The following UBR4 variants were observed in gnomAD, a reference collection of about 807,000 sequenced individuals.
UBR4 encodes the protein E3 ubiquitin-protein ligase UBR4.
A neutral mutation model predicts 575.6 loss-of-function variants in UBR4; 124 were observed. The observed-to-expected ratio is 0.22, with a 90% CI of 0.19 to 0.25. The LOEUF (loss-of-function observed/expected upper bound fraction) is 0.25, where lower values mean the gene tolerates loss of function less well. Ranked by LOEUF, UBR4 falls within the 10% of genes least tolerant of loss-of-function variation. UBR4 has a pLI of 1.00. For missense variants in UBR4, 4,818 were observed against 6,478.8 expected (o/e 0.74, Z 8.80); for synonymous variants, 2,455 against 2,473.7 (o/e 0.99, Z 0.22).
At chr1:19,177,790 C>G (rs778508356) in intron 18 of UBR4, 47 bp from the exon 19 acceptor site, 2 of 1,580,642 alleles carry the variant, frequency 1.3e-6, no homozygotes, top group Admixed American at 1.8e-5. Context: ...AAAGAGCATT[C>G]CCCAGGAGTT....
intron 81 of UBR4, among the ~76,000 whole-genome samples, chr1:19,107,502 C>T (rs532815452): frequency 5.9e-5 from 9 of 152,234 alleles, no homozygotes; most frequent in Middle Eastern, 3.4e-3. Flanking sequence ...TAAAACTGGC[C>T]GGGCGCGGTG....
In UBR4 at chr1:19,110,508, C is replaced by T. The variant is rs373805890; in HGVS notation, c.11893-44G>A. 1.1e-5 allele frequency: 18 copies of T among 1,587,826 alleles called. No homozygotes were observed. Among genetic ancestry groups the T allele is most frequent in the African/African-American group, 6.7e-5 (5 of 74,300 alleles). On this transcript the variant is annotated intron_variant, in intron 79 of 105. Coordinates refer to ENST00000375254, the MANE Select transcript of UBR4 (RefSeq NM_020765.3). The surrounding 1 kb of genome is among the most constrained non-coding windows in gnomAD (Gnocchi z 4.5). ...AGACATGAGTCAAGAGGGTCAGCTC[C>T]GGTCCAGCGACTCTTAACTATTAAT... is the stretch of plus-strand genomic sequence containing the variant.
intron 32 of UBR4, 133 bp from the exon 33 acceptor site, chr1:19,164,574 G>T: frequency 8.5e-7 from 1 of 1,178,254 alleles, no homozygotes; most frequent in Non-Finnish European, 1.2e-6. Flanking sequence ...TGGGCTAGTA[G>T]AGCATAAAAC....
chr1:19,121,134 CAA>C (rs2081127303), intron 68 of UBR4, 53 bp downstream of exon 68: 6 of 1,585,808 alleles, frequency 3.8e-6, no homozygotes, highest in Non-Finnish European at 5.2e-6. Context: ...CCATGTGCTC[CAA>C]GAGAGATTTA....
chr1:19,110,840 A>G lies in UBR4; in HGVS notation c.11802-8T>C. 1 of 1,613,334 alleles carries G rather than the reference A, an allele frequency of 6.2e-7. No individual in the cohort carries two copies. The highest frequency in any genetic ancestry group is 8.5e-7 in the Non-Finnish European group (1 of 1,179,602). On this transcript the variant is annotated splice_region_variant and splice_polypyrimidine_tract_variant and intron_variant, in intron 78 of 105. Coordinates refer to ENST00000375254, the MANE Select transcript of UBR4 (RefSeq NM_020765.3). This position sits in a 1 kb window ranked among gnomAD's most constrained non-coding sequence, Gnocchi z 4.5. ...GTGGCTTCTGGGTTGTCTCTGCAGA[A>G]GCAAATAGAAATGGAGTCCTATAAT...
rs949667278 is a variant in UBR4 at position 19,089,942 on chromosome 1, G to T, written c.14212-965C>A. On this transcript the variant is annotated intron_variant, in intron 97 of 105. Coordinates refer to ENST00000375254, the MANE Select transcript of UBR4 (RefSeq NM_020765.3). The surrounding 1 kb of genome is among the most constrained non-coding windows in gnomAD (Gnocchi z 4.3). ...ACTCAACATTCTGGCTGTTTACTGT[G>T]TGTGCATGCTTGCACATGTGTGTTT... 6.6e-6 allele frequency among the ~76,000 whole-genome samples: 1 copy of T among 152,220 alleles called. No individual in the cohort carries two copies. Among genetic ancestry groups the T allele is most frequent in the African/African-American group, 2.4e-5 (1 of 41,450 alleles).
At chr1:19,096,317 T>C (rs758394243) in intron 92 of UBR4, among the ~76,000 whole-genome samples, 7 of 152,136 alleles carry the variant, frequency 4.6e-5, no homozygotes, top group Non-Finnish European at 7.4e-5. Flanking sequence ...TAGAGAGGTA[T>C]TGGAGAAGGG....
chr1:19,173,654 C>G (rs540004924), intron 22 of UBR4, 33 bp from the exon 23 acceptor site: 2 of 1,605,094 alleles, frequency 1.2e-6, no homozygotes, highest in Non-Finnish European at 8.5e-7. Flanking sequence ...AGAGGTAGCA[C>G]TTGGTATGGC....
chr1:19,124,596 T>C lies in UBR4; in HGVS notation c.9533A>G (p.Asn3178Ser), dbSNP rs183578825. 4.3e-5 allele frequency: 70 copies of C among 1,614,190 alleles called. No homozygotes were observed. The highest frequency in any genetic ancestry group is 1.1e-4 in the African/African-American group (8 of 75,048). ...PYQIKKITDT[N>S]SRIPPPVFDH... ...AAAGACAGGAGGTGGGATTCGAGAATTGGTGTCAGTAATCTTTTTGATTTG... is the reference window on the plus strand; with the variant it reads ...AAAGACAGGAGGTGGGATTCGAGAACTGGTGTCAGTAATCTTTTTGATTTG... Residue 3178 changes from asparagine (N) to serine (S), a missense_variant, in exon 65 of 106, where the codon AAT (asparagine) becomes AGT (serine). Asn to Ser is a conservative substitution (Grantham distance 46). This residue lies in a region of UBR4 where 550 missense variants were observed against 791.5 expected (regional missense o/e 0.69). Coordinates refer to ENST00000375254, the MANE Select transcript of UBR4 (RefSeq NM_020765.3).
chr1:19,149,573 A>G (rs556997261), intron 49 of UBR4, among the ~76,000 whole-genome samples: 4 of 152,170 alleles, frequency 2.6e-5, no homozygotes, highest in African/African-American at 4.8e-5. Context: ...CAACACCAAG[A>G]GTGCACTTAC....
At chr1:19,158,070 A>T in intron 39 of UBR4, 73 bp from the exon 40 acceptor site, 2 of 1,499,500 alleles carry the variant, frequency 1.3e-6, no homozygotes, top group Non-Finnish European at 1.8e-6. Context: ...CGCACTATTC[A>T]TGTGCCTGAG....
chr1:19,173,404 G>A (rs1292035151), intron 23 of UBR4, 35 bp downstream of exon 23: 1 of 1,613,134 alleles, frequency 6.2e-7, no homozygotes. Context: ...AAGCACTTTG[G>A]CTTTGAATAG....
chr1:19,104,494 A>C, intron 86 of UBR4, 91 bp downstream of exon 86: 2 of 1,407,380 alleles, frequency 1.4e-6, no homozygotes. Flanking sequence ...AGTACCAGAG[A>C]GAAGAGAGTC....
chr1:19,194,662 C>T (rs1266783995), intron 8 of UBR4, among the ~76,000 whole-genome samples: 2 of 151,812 alleles, frequency 1.3e-5, no homozygotes, highest in Non-Finnish European at 2.9e-5. Context: ...ATTAGCCAGG[C>T]GAAGTGGCAG....
rs924819967 is a variant in UBR4 at position 19,086,148 on chromosome 1, G to T, written c.14810C>A (p.Ala4937Glu). The change falls in exon 101 of 106, where the codon GCA becomes GAA. Residue 4937 changes from alanine (A) to glutamate (E), a missense_variant. Transcript: ENST00000375254. ...VPESAFATCL[A>E]RHNTYLQECT... is the part of the protein sequence containing the mutation. ...ATGAAAAATACTCAACACTCACCTT[G>T]CCAAGCAAGTGGCAAAAGCTGATTC... 1 of 1,613,806 alleles carries T rather than the reference G, an allele frequency of 6.2e-7. No individual in the cohort carries two copies. Among genetic ancestry groups the T allele is most frequent in the African/African-American group, 1.3e-5 (1 of 75,038 alleles).
At position 19,117,171 on chromosome 1, in the gene UBR4, G is replaced by GC; in HGVS notation, c.10823+49dup. On this transcript the variant is annotated intron_variant, in intron 73 of 105. Transcript: ENST00000375254. The surrounding 1 kb of genome is among the most constrained non-coding windows in gnomAD (Gnocchi z 4.0). ...TCCAGGAACCGAAGGCAGCAACTGAGCTTCAGCCTTACAACCTGCTGCCCC... is the reference window on the plus strand; with the variant it reads ...TCCAGGAACCGAAGGCAGCAACTGAGCCTTCAGCCTTACAACCTGCTGCCCC... 6.3e-7 allele frequency: 1 copy of GC among 1,591,106 alleles called. No homozygotes were observed. Among genetic ancestry groups the GC allele is most frequent in the Non-Finnish European group, 8.6e-7 (1 of 1,165,820 alleles).
rs369049503 is a variant in UBR4, at chr1:19,081,535, C to G, written c.15047G>C (p.Gly5016Ala). Residue 5016 changes from glycine to alanine, a missense_variant, in exon 103 of 106, where the codon GGC (glycine) becomes GCC (alanine). By Grantham distance (60) the Gly-to-Ala change is moderately conservative (BLOSUM62 0). Transcript: ENST00000375254. Reference protein sequence around the residue: ...ATSREEKNLQGFLEQPKEKWV... With the variant: ...ATSREEKNLQAFLEQPKEKWV... Reference sequence around the variant, plus strand: ...CTTCTCCTTGGGCTGTTCCAGAAAGCCTTGGAGGTTCTTCTCTTCTCGGGA... The same window carrying G: ...CTTCTCCTTGGGCTGTTCCAGAAAGGCTTGGAGGTTCTTCTCTTCTCGGGA... The G allele has an allele frequency of 3.1e-6, 5 of 1,613,978 alleles. No individual in the cohort carries two copies. Among genetic ancestry groups the G allele is most frequent in the African/African-American group, 1.3e-5 (1 of 74,966 alleles).
chr1:19,151,872 A>C lies in UBR4; in HGVS notation c.6997-13T>G. On this transcript the variant is annotated splice_polypyrimidine_tract_variant and intron_variant, in intron 47 of 105. Coordinates refer to ENST00000375254, the MANE Select transcript of UBR4 (RefSeq NM_020765.3). ...TGAAGCCTCCGGGCTGTAGGGAGAC[A>C]AGGCACACATCAAGAAACTACAGAA... is the stretch of plus-strand genomic sequence containing the variant. 1 of 1,562,752 alleles carries C rather than the reference A, an allele frequency of 6.4e-7. No homozygotes were observed. The highest frequency in any genetic ancestry group is 8.6e-7 in the Non-Finnish European group (1 of 1,156,352).
intron 53 of UBR4, among the ~76,000 whole-genome samples, chr1:19,145,506 G>GACACACACACACACACACACAC (rs1557773651): frequency 9.2e-5 from 4 of 43,378 alleles, no homozygotes; most frequent in African/African-American, 2.6e-4. Context: ...ATAAACCACT[G>GACACACACACACACACACACAC]AGACACACAC....
Sources: gnomAD v4.1 joint callset for allele counts (sites outside exome capture counted in the v4.1 genomes callset) on GRCh38, gnomAD v4.1.1 for gene constraint, gnomAD v4.1.1 regional missense constraint, Gnocchi (gnomAD v3.1) non-coding constraint, MANE v1.5 for transcripts, NCBI Gene and HGNC (gene_info 2026-07-23, HGNC 2026-07-21) for gene names.